The following ZFAT variants were observed in gnomAD, a reference collection of about 807,000 sequenced individuals.
The protein encoded by ZFAT is zinc finger protein ZFAT.
ZFAT carries 64 observed loss-of-function variants against 117.7 expected under a neutral mutation model. The ratio of observed to expected loss-of-function variants is 0.54; its 90% CI spans 0.44 to 0.67. The LOEUF is 0.67. ZFAT is among the 30% of genes least tolerant of loss of function. The pLI is 0.00. For missense variants in ZFAT, 1,433 were observed against 1,584.5 expected (o/e 0.90, Z 1.62); for synonymous variants, 679 against 615.0 (o/e 1.10, Z -1.54).
chr8:134,591,212 T>C (rs1330394979), intron 7 of ZFAT, among the ~76,000 whole-genome samples: 1 of 152,210 alleles, frequency 6.6e-6, no homozygotes, highest in Non-Finnish European at 1.5e-5. Flanking sequence ...TTCATGCTCA[T>C]GTTACAGATT....
intron 2 of ZFAT, among the ~76,000 whole-genome samples, chr8:134,653,974 A>G (rs1369269409): frequency 6.6e-6 from 1 of 152,196 alleles, no homozygotes; most frequent in African/African-American, 2.4e-5. Flanking sequence ...TGCTTTCCCC[A>G]TATTATATTG....
chr8:134,734,321 G>T, the ZFAT span, among the ~76,000 whole-genome samples: 2 of 152,158 alleles, frequency 1.3e-5, no homozygotes, highest in Non-Finnish European at 2.9e-5. Flanking sequence ...CTCCACTTCA[G>T]GCTGTTCCTA....
intron 2 of ZFAT, among the ~76,000 whole-genome samples, chr8:134,639,149 G>C (rs550581413): frequency 3.0e-4 from 45 of 152,308 alleles, no homozygotes; most frequent in African/African-American, 1.1e-3. Flanking sequence ...GGCCACAGGG[G>C]CAAAGGGGAG....
At chr8:134,828,616 C>G in the ZFAT span, among the ~76,000 whole-genome samples, 1 of 152,326 alleles carries the variant, frequency 6.6e-6, no homozygotes, top group Admixed American at 6.5e-5. Context: ...TCCCTTTCCT[C>G]CTTATCCCCA....
chr8:134,598,092 G>A (rs1193650559), intron 7 of ZFAT: 2 of 152,232 alleles, frequency 1.3e-5, no homozygotes, highest in Non-Finnish European at 2.9e-5. Flanking sequence ...AGAACCATGT[G>A]GTTGCTGTTA....
At chr8:134,505,087 C>A (rs1228434713) in intron 15 of ZFAT, among the ~76,000 whole-genome samples, 1 of 152,168 alleles carries the variant, frequency 6.6e-6, no homozygotes, top group African/African-American at 2.4e-5. Context: ...TACCTCTTGA[C>A]CAGTTCTGAT....
At chr8:134,759,373 G>A in the ZFAT span, among the ~76,000 whole-genome samples, 1 of 152,162 alleles carries the variant, frequency 6.6e-6, no homozygotes, top group African/African-American at 2.4e-5. Flanking sequence ...CCATGAATAG[G>A]CAGCTACCTT....
intron 10 of ZFAT, among the ~76,000 whole-genome samples, chr8:134,571,713 C>T (rs1003891796): frequency 6.6e-6 from 1 of 152,214 alleles, no homozygotes; most frequent in Non-Finnish European, 1.5e-5. Flanking sequence ...TGCTTTATGA[C>T]CATTAACTCA....
At chr8:134,536,401 C>G (rs1444265225) in intron 11 of ZFAT, among the ~76,000 whole-genome samples, 1 of 152,126 alleles carries the variant, frequency 6.6e-6, no homozygotes, top group African/African-American at 2.4e-5. Flanking sequence ...GATAAATCTC[C>G]CAGACTCTTT....
chr8:134,519,397 G>A (rs1296841838), intron 13 of ZFAT, among the ~76,000 whole-genome samples: 1 of 152,062 alleles, frequency 6.6e-6, no homozygotes, highest in East Asian at 1.9e-4. Context: ...GTATCAAATG[G>A]GGGTTTTGTT....
the ZFAT span, among the ~76,000 whole-genome samples, chr8:134,728,311 A>C: frequency 6.6e-6 from 1 of 152,014 alleles, no homozygotes; most frequent in Admixed American, 6.6e-5. Flanking sequence ...GGGAAGGCAG[A>C]CTTCAAATGG....
chr8:134,602,699 G>T lies in ZFAT; in HGVS notation c.1020C>A (p.His340Gln). ...YCSFTCLSKG[H>Q]LKVHIERVHK... ...GCACTCGCTCGATGTGCACCTTGAGGTGGCCCTTGCTCAGGCAGGTGAACG... is the reference window on the plus strand; with the variant it reads ...GCACTCGCTCGATGTGCACCTTGAGTTGGCCCTTGCTCAGGCAGGTGAACG... Residue 340 changes from histidine (H) to glutamine (Q), a missense_variant, in exon 6 of 16, where the codon CAC (histidine) becomes CAA (glutamine). Coordinates refer to ENST00000377838, the MANE Select transcript of ZFAT (RefSeq NM_020863.4). 1 of 1,614,040 alleles carries T rather than the reference G, an allele frequency of 6.2e-7. No homozygotes were observed. Among genetic ancestry groups the T allele is most frequent in the African/African-American group, 1.3e-5 (1 of 75,056 alleles).
At chr8:134,773,721 T>G in the ZFAT span, among the ~76,000 whole-genome samples, 2 of 152,148 alleles carry the variant, frequency 1.3e-5, no homozygotes, top group Admixed American at 1.3e-4. Flanking sequence ...GGTTCAAGCC[T>G]TCAGTGGAGG....
chr8:134,578,924 G>T (rs1270540881), intron 10 of ZFAT, among the ~76,000 whole-genome samples: 1 of 152,224 alleles, frequency 6.6e-6, no homozygotes, highest in Non-Finnish European at 1.5e-5. Context: ...CTATGCCCAA[G>T]CACCAAATTT....
chr8:134,668,647 TG>T lies in ZFAT; in HGVS notation c.20-10911del, dbSNP rs1159413942. Among the ~76,000 whole-genome samples, 4 of 152,144 alleles carry T rather than the reference TG, an allele frequency of 2.6e-5. No individual in the cohort carries two copies. The East Asian group carries it at 7.7e-4, about 29-fold the overall frequency. ...CCAAAGGTAGATAAAACCACAAAGATGGGGAAAAAACAGAGCAGAAAAGCTG... is the reference window on the plus strand; with the variant it reads ...CCAAAGGTAGATAAAACCACAAAGATGGGAAAAAACAGAGCAGAAAAGCTG... On this transcript the variant is annotated intron_variant, in intron 1 of 15. Transcript: ENST00000377838.
chr8:134,564,140 G>A (rs1489101904), intron 11 of ZFAT, among the ~76,000 whole-genome samples: 1 of 146,694 alleles, frequency 6.8e-6, no homozygotes, highest in African/African-American at 2.5e-5. Flanking sequence ...GGGCAACAGA[G>A]GAGCAGAGGA....
In ZFAT at chr8:134,509,633, T is replaced by C. The variant is rs1298224610; in HGVS notation, c.3478A>G (p.Thr1160Ala). ...SVVAMAPGTV[T>A]VVKQVTEEEP... ...AGGGTCCCTACCTGCTTAACCACAGTCACCGTCCCTGGTGCCATGGCAACC... is the reference window on the plus strand; with the variant it reads ...AGGGTCCCTACCTGCTTAACCACAGCCACCGTCCCTGGTGCCATGGCAACC... The change falls in exon 15 of 16, where the codon ACT becomes GCT. Residue 1160 changes from threonine (T) to alanine (A), a missense_variant. Coordinates refer to ENST00000377838, the MANE Select transcript of ZFAT (RefSeq NM_020863.4). 4.3e-6 allele frequency: 7 copies of C among 1,613,406 alleles called. No individual in the cohort carries two copies. The highest frequency in any genetic ancestry group is 5.1e-6 in the Non-Finnish European group (6 of 1,179,754).
chr8:134,754,944 G>A, the ZFAT span, among the ~76,000 whole-genome samples: 1 of 152,216 alleles, frequency 6.6e-6, no homozygotes, highest in African/African-American at 2.4e-5. Context: ...AGAGATGGGA[G>A]ATGGAGAAAG....
upstream of ZFAT, chr8:134,713,108 G>A (rs1814089300): frequency 7.5e-6 from 3 of 402,364 alleles, no homozygotes; most frequent in South Asian, 7.1e-5. Context: ...CTCCCCCGGC[G>A]CCGAGCGCGG....
Sources: gnomAD v4.1 joint callset for allele counts (sites outside exome capture counted in the v4.1 genomes callset) on GRCh38, gnomAD v4.1.1 for gene constraint, MANE v1.5 for transcripts, NCBI Gene and HGNC (gene_info 2026-07-23, HGNC 2026-07-21) for gene names.